CPLANE1: variants seen among roughly 807,000 people sequenced by gnomAD.
The protein encoded by CPLANE1 is ciliogenesis and planar polarity effector complex subunit 1, also known as ciliogenesis and planar polarity effector 1.
Under a neutral mutation model 362.5 loss-of-function variants are expected in CPLANE1, and 263 were observed. The observed-to-expected ratio is 0.73, with a 90% CI of 0.66 to 0.80. The LOEUF (loss-of-function observed/expected upper bound fraction) is 0.80. Ranked by LOEUF, CPLANE1 falls within the 30% of genes least tolerant of loss-of-function variation. The pLI, the probability that CPLANE1 is intolerant of heterozygous loss-of-function variation, is 0.00. For missense variants in CPLANE1, 3,461 were observed against 3,793.4 expected (o/e 0.91, Z 2.30); for synonymous variants, 1,212 against 1,302.6 (o/e 0.93, Z 1.50).
At chr5:37,077,906 G>A in the CPLANE1 span, among the ~76,000 whole-genome samples, 4 of 151,730 alleles carry the variant, frequency 2.6e-5, no homozygotes, top group Non-Finnish European at 5.9e-5. Context: ...GTAAACCGCC[G>A]TGCCCAGCAA....
the CPLANE1 span, among the ~76,000 whole-genome samples, chr5:37,076,315 CTTT>C: frequency 6.6e-6 from 1 of 150,620 alleles, no homozygotes; most frequent in Non-Finnish European, 1.5e-5. Flanking sequence ...TGATGTCAAA[CTTT>C]TTTTTTCTTT....
chr5:37,230,550 T>A (rs994293989), intron 9 of CPLANE1, among the ~76,000 whole-genome samples: 1 of 152,136 alleles, frequency 6.6e-6, no homozygotes, highest in East Asian at 1.9e-4. Flanking sequence ...AGTTATTAAT[T>A]TTCTAAGTGC....
Position 37,107,131 on chromosome 5 carries a change from T to A in CPLANE1, c.*471A>T, listed in dbSNP as rs1282754215. ...TTGGTTTTTCTTTTCACTCCTAGGC[T>A]AAACCCTGCATAGGTGTTTTAAAAT... On this transcript the variant is annotated 3_prime_UTR_variant, in exon 53 of 53. Transcript: ENST00000651892. 4 of 985,290 alleles carry A rather than the reference T, an allele frequency of 4.1e-6. No individual in the cohort carries two copies. Among genetic ancestry groups the A allele is most frequent in the Non-Finnish European group, 4.8e-6 (4 of 829,872 alleles). The allele number at this position is 985,290 out of a possible 1,614,324, so 61.0% of individuals were successfully genotyped here.
intron 21 of CPLANE1, among the ~76,000 whole-genome samples, chr5:37,188,124 C>A (rs372493806): frequency 7.9e-5 from 12 of 152,054 alleles, no homozygotes; most frequent in African/African-American, 2.9e-4. Flanking sequence ...AATACAAGTA[C>A]ACAAAGATAT....
chr5:37,089,167 C>T, the CPLANE1 span, among the ~76,000 whole-genome samples: 1 of 152,114 alleles, frequency 6.6e-6, no homozygotes, highest in Non-Finnish European at 1.5e-5. Flanking sequence ...CATTAGTGAT[C>T]AAAACTGGCC....
Position 37,209,704 on chromosome 5 carries a change from T to C in CPLANE1, c.2921-3279A>G. 2 of 1,235,916 alleles carry C rather than the reference T, an allele frequency of 1.6e-6. No homozygotes were observed. The highest frequency in any genetic ancestry group is 2.4e-5 in the South Asian group (2 of 83,314). 76.6% of individuals were successfully genotyped at this position (1,235,916 alleles called of 1,614,324 possible). On this transcript the variant is annotated intron_variant, in intron 16 of 52. Transcript: ENST00000651892. This position sits in a 1 kb window ranked among gnomAD's most constrained non-coding sequence, Gnocchi z 4.6. ...TTTACTATGCAGGATCTATTACAAC[T>C]CATTAAAATCAACCCTACTTCCAGT...
chr5:37,226,859 G>A lies in CPLANE1; in HGVS notation c.1736C>T (p.Ala579Val), dbSNP rs191239995. ...LHSIQKSLLA[A>V]WTIGISKTVT... is the part of the protein sequence containing the mutation. ...AGTTTTTGAAATTCCTATAGTCCAC[G>A]CTGCAAGTAGACTTTTCTGGATAGA... The change falls in exon 12 of 53, where the codon GCG becomes GTG. Residue 579 changes from alanine (A) to valine (V), a missense_variant. This residue lies in a region of CPLANE1 where 3,380 missense variants were observed against 3,666.1 expected (regional missense o/e 0.92). Coordinates refer to ENST00000651892, the MANE Select transcript of CPLANE1 (RefSeq NM_001384732.1). 3.9e-4 allele frequency: 610 copies of A among 1,551,136 alleles called. 4 individuals carry two copies. In the East Asian group the frequency reaches 9.7e-3, roughly 25 times the overall value.
In CPLANE1 at chr5:37,183,108, G is replaced by C. The variant is rs763990143; in HGVS notation, c.5073C>G (p.Asp1691Glu). 1 of 1,613,048 alleles carries C rather than the reference G, an allele frequency of 6.2e-7. No homozygotes were observed. The highest frequency in any genetic ancestry group is 8.5e-7 in the Non-Finnish European group (1 of 1,179,612). The change falls in exon 26 of 53, where the codon GAC (aspartate) becomes GAG (glutamate). Residue 1691 changes from aspartate (D) to glutamate (E), a missense_variant. Coordinates refer to ENST00000651892, the MANE Select transcript of CPLANE1 (RefSeq NM_001384732.1). ...TCTGGATTAGACATTTCTCTCTAGT[G>C]TCATCTTGTATTTTGTAAATTGACC... is the stretch of plus-strand genomic sequence containing the variant. ...KQRSIYKIQD[D>E]TREKCLIQRS... is the part of the protein sequence containing the mutation.
chr5:37,121,547 G>C, intron 49 of CPLANE1, 70 bp downstream of exon 49: 3 of 1,448,302 alleles, frequency 2.1e-6, no homozygotes, highest in Middle Eastern at 3.9e-4. Flanking sequence ...CTTAGGTCAC[G>C]AAAGTGCTAC....
At chr5:37,095,777 C>T in the CPLANE1 span, among the ~76,000 whole-genome samples, 1 of 152,188 alleles carries the variant, frequency 6.6e-6, no homozygotes. Flanking sequence ...TTCTGCTATA[C>T]ACCAACAGCA....
intron 18 of CPLANE1, among the ~76,000 whole-genome samples, chr5:37,203,004 A>T (rs1224999629): frequency 6.6e-6 from 1 of 151,684 alleles, no homozygotes; most frequent in Non-Finnish European, 1.5e-5. Context: ...CCAGTTCACA[A>T]ATTTGCTCCT....
In CPLANE1 at chr5:37,195,882, C is replaced by G. The variant is rs751975523; in HGVS notation, c.3787G>C (p.Asp1263His). The change falls in exon 21 of 53, where the codon GAT (aspartate) becomes CAT (histidine). Residue 1263 changes from aspartate to histidine, a missense_variant. Transcript: ENST00000651892. ...RPGAAGDHKL[D>H]EVSIRAIGCF... ...CCTATTGCTCTAATGGAAACTTCAT[C>G]AAGCTTGTGGTCTCCAGCTGCTCCA... The G allele has an allele frequency of 1.9e-6, 3 of 1,611,594 alleles. No individual in the cohort carries two copies. The highest frequency in any genetic ancestry group is 1.7e-6 in the Non-Finnish European group (2 of 1,179,138).
In CPLANE1 at chr5:37,125,226, T is replaced by C; in HGVS notation, c.8958+18A>G. The C allele has an allele frequency of 5.6e-6, 9 of 1,603,440 alleles. No homozygotes were observed. Among genetic ancestry groups the C allele is most frequent in the South Asian group, 4.5e-5 (4 of 88,970 alleles). Reference sequence around the variant, plus strand: ...CACATATTCTGTAATTCCATTACCCTTGACATGGCAGACTTACTGGATTGC... The same window carrying C: ...CACATATTCTGTAATTCCATTACCCCTGACATGGCAGACTTACTGGATTGC... On this transcript the variant is annotated intron_variant, in intron 47 of 52. Transcript: ENST00000651892.
chr5:37,224,078 A>C (rs931173200), intron 14 of CPLANE1, among the ~76,000 whole-genome samples, 175 bp downstream of exon 14: 2 of 152,196 alleles, frequency 1.3e-5, no homozygotes, highest in African/African-American at 4.8e-5. Flanking sequence ...TGGCATTAGG[A>C]TATCATAAGC....
In CPLANE1 at chr5:37,157,805, C is replaced by G. The variant is rs1172144094; in HGVS notation, c.7876G>C (p.Val2626Leu). Residue 2626 changes from valine to leucine, a missense_variant, in exon 40 of 53, where the codon GTG becomes CTG. Physicochemically the swap from Val to Leu is conservative, Grantham distance 32. Transcript: ENST00000651892. The part of the protein sequence containing the change: ...EANDLLQELP[V>L]REEPSNDNVI... The stretch of plus-strand genomic sequence containing the variant: ...TTATCATTTGAAGGCTCTTCTCTCA[C>G]AGGTAATTCCTGTAGAAGATCATTA... The G allele has an allele frequency of 6.2e-7, 1 of 1,613,508 alleles. No individual in the cohort carries two copies. The highest frequency in any genetic ancestry group is 2.2e-5 in the East Asian group (1 of 44,832).
At chr5:37,166,773 G>A (rs1561466447) in intron 35 of CPLANE1, among the ~76,000 whole-genome samples, 1 of 152,090 alleles carries the variant, frequency 6.6e-6, no homozygotes, top group African/African-American at 2.4e-5. Flanking sequence ...GCAAATGACT[G>A]TTCATCCTAT....
At chr5:37,193,924 CTTTT>C (rs746454996) in intron 21 of CPLANE1, among the ~76,000 whole-genome samples, 7 of 136,600 alleles carry the variant, frequency 5.1e-5, no homozygotes, top group African/African-American at 1.3e-4. Context: ...CTTTTTTTTT[CTTTT>C]TTTTTTTTTT....
At chr5:37,095,899 T>C in the CPLANE1 span, among the ~76,000 whole-genome samples, 27 of 152,084 alleles carry the variant, frequency 1.8e-4, no homozygotes, top group African/African-American at 6.5e-4. Context: ...CAAGGGAAAC[T>C]ACAAAACAAT....
At chr5:37,176,500 G>A (rs1055742366) in intron 30 of CPLANE1, among the ~76,000 whole-genome samples, 6 of 152,004 alleles carry the variant, frequency 3.9e-5, no homozygotes, top group African/African-American at 9.7e-5. Flanking sequence ...AGCTAGGCAT[G>A]GTGGTGCACA....
Sources: gnomAD v4.1 joint callset for allele counts (sites outside exome capture counted in the v4.1 genomes callset) on GRCh38, gnomAD v4.1.1 for gene constraint, gnomAD v4.1.1 regional missense constraint, Gnocchi (gnomAD v3.1) non-coding constraint, MANE v1.5 for transcripts, NCBI Gene and HGNC (gene_info 2026-07-23, HGNC 2026-07-21) for gene names.